Variants in KCNQ1 observed in about 807,000 individuals in gnomAD.
KCNQ1 encodes the protein potassium voltage-gated channel subfamily KQT member 1.
KCNQ1 carries 49 observed loss-of-function variants against 72.4 expected under a neutral mutation model. That is an observed-to-expected ratio of 0.68 (90% CI 0.54 to 0.86). The LOEUF is 0.86. Ranked by LOEUF, KCNQ1 falls within the 40% of genes least tolerant of loss-of-function variation. The pLI is 0.00. For synonymous variants in KCNQ1, 450 were observed against 412.6 expected (o/e 1.09, Z -1.10); for missense variants, 790 against 945.1 (o/e 0.84, Z 2.15).
At chr11:2,561,224 G>GA (rs1376876528) in intron 2 of KCNQ1, among the ~76,000 whole-genome samples, 1 of 150,668 alleles carries the variant, frequency 6.6e-6, no homozygotes, top group Admixed American at 6.6e-5. Context: ...AAGAAAAAAA[G>GA]AAAAAAAAGG....
intron 10 of KCNQ1, chr11:2,643,437 C>G: frequency 2.5e-6 from 1 of 398,308 alleles, no homozygotes; most frequent in Non-Finnish European, 4.4e-6. Context: ...GTGTTTTTAG[C>G]TTAACCTTTG....
At chr11:2,812,469 G>A (rs910256388) in intron 15 of KCNQ1, among the ~76,000 whole-genome samples, 2 of 152,202 alleles carry the variant, frequency 1.3e-5, no homozygotes, top group South Asian at 2.1e-4. Context: ...CCGGCTCTGT[G>A]GCCCCTGATC....
chr11:2,477,143 A>T lies in KCNQ1; in HGVS notation c.386+31659A>T, dbSNP rs977103328. 1.3e-5 allele frequency among the ~76,000 whole-genome samples: 2 copies of T among 152,256 alleles called. No homozygotes were observed. The highest frequency in any genetic ancestry group is 4.8e-5 in the African/African-American group (2 of 41,468). ...TGTGAGATGAATCTGAACCCTCATCAGAACGTCCACAGCTGACGGTGAACA... is the reference window on the plus strand; with the variant it reads ...TGTGAGATGAATCTGAACCCTCATCTGAACGTCCACAGCTGACGGTGAACA... On this transcript the variant is annotated intron_variant, in intron 1 of 15. Transcript: ENST00000155840. This position sits in a 1 kb window ranked among gnomAD's most constrained non-coding sequence, Gnocchi z 5.0.
At chr11:2,740,941 G>C (rs1194429938) in intron 11 of KCNQ1, among the ~76,000 whole-genome samples, 1 of 152,196 alleles carries the variant, frequency 6.6e-6, no homozygotes, top group Non-Finnish European at 1.5e-5. Context: ...CTGCTTGGCT[G>C]CCTGAATTCC....
intron 11 of KCNQ1, among the ~76,000 whole-genome samples, chr11:2,763,438 A>T (rs1364692292): frequency 1.3e-5 from 2 of 152,058 alleles, no homozygotes; most frequent in Non-Finnish European, 2.9e-5. Context: ...AAAGAAAGAA[A>T]GATTGTGAAA....
chr11:2,653,623 T>TCCTTAG lies in KCNQ1; in HGVS notation c.1394-8337_1394-8332dup, dbSNP rs1387011799. ...CCATTGGCCCCATGGGATGGCTGTA[T>TCCTTAG]CCTTAGGCAGCTACTTTCTAAAAGG... On this transcript the variant is annotated intron_variant, in intron 10 of 15. Coordinates refer to ENST00000155840, the MANE Select transcript of KCNQ1 (RefSeq NM_000218.3). This position sits in a 1 kb window ranked among gnomAD's most constrained non-coding sequence, Gnocchi z 5.3. 3 of 398,560 alleles carry TCCTTAG rather than the reference T, an allele frequency of 7.5e-6. No individual in the cohort carries two copies. Among genetic ancestry groups the TCCTTAG allele is most frequent in the Non-Finnish European group, 1.3e-5 (3 of 226,098 alleles). The allele number at this position is 398,560 out of a possible 1,614,324, so 24.7% of individuals were successfully genotyped here. A position where few individuals can be genotyped will look rare whatever the true frequency, so the allele number is the denominator to read the frequency against.
At chr11:2,730,255 G>A (rs1564874026) in intron 11 of KCNQ1, among the ~76,000 whole-genome samples, 1 of 152,222 alleles carries the variant, frequency 6.6e-6, no homozygotes, top group Admixed American at 6.5e-5. Flanking sequence ...ATTCAGGACT[G>A]TTTTGAGAGG....
chr11:2,470,371 T>A (rs1454847385), intron 1 of KCNQ1, among the ~76,000 whole-genome samples: 1 of 152,168 alleles, frequency 6.6e-6, no homozygotes, highest in Non-Finnish European at 1.5e-5. Flanking sequence ...GATTATATAC[T>A]TGCGAGACTT....
At chr11:2,685,867 A>G in intron 11 of KCNQ1, 2 of 398,722 alleles carry the variant, frequency 5.0e-6, no homozygotes, top group Non-Finnish European at 8.8e-6. Flanking sequence ...CCCAGGACTC[A>G]GACCACAACT....
At chr11:2,738,200 G>A (rs1845990407) in intron 11 of KCNQ1, among the ~76,000 whole-genome samples, 8 of 152,012 alleles carry the variant, frequency 5.3e-5, no homozygotes, top group Admixed American at 2.6e-4. Flanking sequence ...GCTCGGTGGG[G>A]GTGGGCTGTG....
intron 1 of KCNQ1, among the ~76,000 whole-genome samples, chr11:2,503,925 G>C (rs868759042): frequency 1.3e-5 from 2 of 152,154 alleles, no homozygotes; most frequent in African/African-American, 2.4e-5. Context: ...CAGTTTCGAG[G>C]TTCCTCAAAA....
rs137892512 is a variant in KCNQ1 at position 2,516,042 on chromosome 11, G to T, written c.387-11886G>T. On this transcript the variant is annotated intron_variant, in intron 1 of 15. Transcript: ENST00000155840. This position sits in a 1 kb window ranked among gnomAD's most constrained non-coding sequence, Gnocchi z 7.0. The stretch of plus-strand genomic sequence containing the variant: ...CCTGGGCCTATCCGCCCACGCCCAG[G>T]CCAGGGCTCCTGCTGGAATCTCCCT... 6.6e-6 allele frequency among the ~76,000 whole-genome samples: 1 copy of T among 152,186 alleles called. No individual in the cohort carries two copies. Among genetic ancestry groups the T allele is most frequent in the Non-Finnish European group, 1.5e-5 (1 of 67,996 alleles).
chr11:2,589,901 T>C (rs556106242), intron 10 of KCNQ1, among the ~76,000 whole-genome samples: 55 of 152,276 alleles, frequency 3.6e-4, no homozygotes, highest in African/African-American at 1.3e-3. Flanking sequence ...GGCAGGACCG[T>C]GAACTGGGTA....
intron 11 of KCNQ1, among the ~76,000 whole-genome samples, chr11:2,747,938 C>G (rs1590066372): frequency 6.6e-6 from 1 of 152,172 alleles, no homozygotes; most frequent in Non-Finnish European, 1.5e-5. Context: ...AACAATCCCT[C>G]TGGCGTGAAG....
rs757372621 is a variant in KCNQ1 at position 2,746,800 on chromosome 11, C to T, written c.1515-22044C>T. Among the ~76,000 whole-genome samples the T allele has an allele frequency of 9.2e-5, 14 of 152,300 alleles. No homozygotes were observed. Among genetic ancestry groups the T allele is most frequent in the Non-Finnish European group, 1.3e-4 (9 of 68,014 alleles). ...CCCCTTTGCAGACTGTCCTTGGACC[C>T]GCCAGCATTTGGCTCTGGGGCCCTA... is the stretch of plus-strand genomic sequence containing the variant. On this transcript the variant is annotated intron_variant, in intron 11 of 15. Transcript: ENST00000155840. The surrounding 1 kb of genome is among the most constrained non-coding windows in gnomAD (Gnocchi z 5.9).
chr11:2,769,023 C>A lies in KCNQ1; in HGVS notation c.1590+104C>A. The A allele has an allele frequency of 1.0e-6, 1 of 981,408 alleles. No individual in the cohort carries two copies. The highest frequency in any genetic ancestry group is 1.6e-6 in the Non-Finnish European group (1 of 621,732). 60.8% of individuals were successfully genotyped at this position (981,408 alleles called of 1,614,324 possible). On this transcript the variant is annotated intron_variant, in intron 12 of 15. Transcript: ENST00000155840. This position sits in a 1 kb window ranked among gnomAD's most constrained non-coding sequence, Gnocchi z 4.6. ...CTCTCCTGCCCATAGTGGAGGGTGT[C>A]AAGGCCTCCGCCCCCAAGCCACACA...
At position 2,661,249 on chromosome 11, in the gene KCNQ1, A is replaced by G. The variant is rs1159556540; in HGVS notation, c.1394-712A>G. The stretch of plus-strand genomic sequence containing the variant: ...ATGAGTACTTAATCCTTTTGCAATA[A>G]AATATTTAAATGAAGACAAATATAA... On this transcript the variant is annotated intron_variant, in intron 10 of 15. Coordinates refer to ENST00000155840, the MANE Select transcript of KCNQ1 (RefSeq NM_000218.3). This position sits in a 1 kb window ranked among gnomAD's most constrained non-coding sequence, Gnocchi z 5.9. 1 of 399,068 alleles carries G rather than the reference A, an allele frequency of 2.5e-6. No individual in the cohort carries two copies. Among genetic ancestry groups the G allele is most frequent in the Non-Finnish European group, 4.4e-6 (1 of 226,530 alleles). The allele number at this position is 399,068 out of a possible 1,614,324, so 24.7% of individuals were successfully genotyped here. A position where few individuals can be genotyped will look rare whatever the true frequency, so the allele number is the denominator to read the frequency against.
rs1399314028 is a variant in KCNQ1 at position 2,746,847 on chromosome 11, C to T, written c.1515-21997C>T. 6.6e-6 allele frequency among the ~76,000 whole-genome samples: 1 copy of T among 152,236 alleles called. No homozygotes were observed. The highest frequency in any genetic ancestry group is 1.5e-5 in the Non-Finnish European group (1 of 68,040). On this transcript the variant is annotated intron_variant, in intron 11 of 15. Transcript: ENST00000155840. This position sits in a 1 kb window ranked among gnomAD's most constrained non-coding sequence, Gnocchi z 5.9. ...CCTAGAGAGACCCTGGGATGTGGAT[C>T]ACACTGGTGACCCCTGTGAGCCCCA...
chr11:2,658,327 C>A lies in KCNQ1; in HGVS notation c.1394-3634C>A. On this transcript the variant is annotated intron_variant, in intron 10 of 15. Transcript: ENST00000155840. This position sits in a 1 kb window ranked among gnomAD's most constrained non-coding sequence, Gnocchi z 4.9. ...ATAAGGAAGATTTGTCCCTCTCCTCCAATTGTTTATTTAATTTTATCAGTG... is the reference window on the plus strand; with the variant it reads ...ATAAGGAAGATTTGTCCCTCTCCTCAAATTGTTTATTTAATTTTATCAGTG... 1 of 398,436 alleles carries A rather than the reference C, an allele frequency of 2.5e-6. No individual in the cohort carries two copies. The highest frequency in any genetic ancestry group is 4.4e-6 in the Non-Finnish European group (1 of 226,034). 24.7% of individuals were successfully genotyped at this position (398,436 alleles called of 1,614,324 possible). A position where few individuals can be genotyped will look rare whatever the true frequency, so the allele number is the denominator to read the frequency against.
Sources: gnomAD v4.1 joint callset for allele counts (sites outside exome capture counted in the v4.1 genomes callset) on GRCh38, gnomAD v4.1.1 for gene constraint, Gnocchi (gnomAD v3.1) non-coding constraint, MANE v1.5 for transcripts, NCBI Gene and HGNC (gene_info 2026-07-23, HGNC 2026-07-21) for gene names.